The following NCKAP5 variants were observed in gnomAD, a reference collection of about 807,000 sequenced individuals.
NCKAP5 encodes NCK associated protein 5, also known as nck-associated protein 5.
NCKAP5 carries 92 observed loss-of-function variants against 167.0 expected under a neutral mutation model. The observed-to-expected ratio is 0.55, with a 90% CI of 0.47 to 0.66. The LOEUF (loss-of-function observed/expected upper bound fraction) is 0.66. Among genes scored for constraint, NCKAP5 ranks in the 30% least tolerant of loss-of-function variants. The pLI is 0.00. For synonymous variants in NCKAP5, 891 were observed against 877.4 expected (o/e 1.02, Z -0.27); for missense variants, 2,378 against 2,315.0 (o/e 1.03, Z -0.56).
At chr2:132,797,319 G>A (rs72847224) in intron 11 of NCKAP5, among the ~76,000 whole-genome samples, 28,095 of 152,122 alleles carry the variant, frequency 0.18, 3,039 homozygotes, top group East Asian at 0.29. Flanking sequence ...TTCACGTGCT[G>A]TTCAATTATA....
At chr2:133,582,149 G>A in the NCKAP5 span, among the ~76,000 whole-genome samples, 3 of 152,170 alleles carry the variant, frequency 2.0e-5, no homozygotes, top group East Asian at 3.9e-4. Flanking sequence ...CTGCTGTGAG[G>A]GGATTCTATA....
chr2:132,773,175 C>T (rs528772252), intron 16 of NCKAP5, among the ~76,000 whole-genome samples: 1 of 152,276 alleles, frequency 6.6e-6, no homozygotes, highest in African/African-American at 2.4e-5. Flanking sequence ...GCTAAAGGTG[C>T]CACTTCTTCT....
intron 19 of NCKAP5, among the ~76,000 whole-genome samples, chr2:132,692,148 TA>T (rs1449300022): frequency 7.2e-5 from 10 of 138,508 alleles, no homozygotes; most frequent in African/African-American, 2.7e-4. Flanking sequence ...TATTTTATTT[TA>T]TTTTATTTTT....
At chr2:133,299,464 G>A (rs530972888) in intron 4 of NCKAP5, among the ~76,000 whole-genome samples, 1 of 152,136 alleles carries the variant, frequency 6.6e-6, no homozygotes, top group Non-Finnish European at 1.5e-5. Flanking sequence ...AGAAATAAAG[G>A]GGCCGGGCCC....
At chr2:133,190,757 T>C (rs1306749315) in intron 5 of NCKAP5, among the ~76,000 whole-genome samples, 1 of 152,100 alleles carries the variant, frequency 6.6e-6, no homozygotes. Flanking sequence ...TTACACCTTA[T>C]ACAAAAATTA....
chr2:133,422,764 C>T (rs916354605), intron 3 of NCKAP5, among the ~76,000 whole-genome samples: 1 of 152,100 alleles, frequency 6.6e-6, no homozygotes, highest in Admixed American at 6.6e-5. Context: ...AAACTGCAGC[C>T]TTTAACTTCG....
At chr2:132,832,856 G>A (rs922767232) in intron 11 of NCKAP5, among the ~76,000 whole-genome samples, 3 of 151,954 alleles carry the variant, frequency 2.0e-5, no homozygotes, top group African/African-American at 7.3e-5. Context: ...TTTTGTATAC[G>A]GATTTATTTT....
intron 19 of NCKAP5, among the ~76,000 whole-genome samples, chr2:132,698,274 G>C (rs1470003517): frequency 6.6e-6 from 1 of 152,000 alleles, no homozygotes; most frequent in Non-Finnish European, 1.5e-5. Flanking sequence ...AATTTGTTCT[G>C]TCTTTTTTAC....
At chr2:133,666,364 A>C in the NCKAP5 span, among the ~76,000 whole-genome samples, 1 of 151,546 alleles carries the variant, frequency 6.6e-6, no homozygotes, top group African/African-American at 2.4e-5. Flanking sequence ...TGCCCGGCTA[A>C]TTTTTGTACT....
chr2:132,719,670 T>A (rs1206999334), intron 19 of NCKAP5, among the ~76,000 whole-genome samples: 1 of 152,134 alleles, frequency 6.6e-6, no homozygotes, highest in Non-Finnish European at 1.5e-5. Context: ...GTGAGTCAGA[T>A]GGGGGCCAAG....
At chr2:133,395,541 T>G (rs1438652763) in intron 3 of NCKAP5, among the ~76,000 whole-genome samples, 1 of 152,234 alleles carries the variant, frequency 6.6e-6, no homozygotes, top group African/African-American at 2.4e-5. Flanking sequence ...CTTGGAATTA[T>G]CAGAACATTA....
chr2:133,045,136 C>T (rs748304426), intron 6 of NCKAP5, among the ~76,000 whole-genome samples: 1 of 151,586 alleles, frequency 6.6e-6, no homozygotes, highest in Non-Finnish European at 1.5e-5. Context: ...ATCTTAGCAG[C>T]ACTGTTTGTA....
chr2:133,075,772 A>G (rs1005315271), intron 6 of NCKAP5, among the ~76,000 whole-genome samples: 1 of 152,186 alleles, frequency 6.6e-6, no homozygotes, highest in African/African-American at 2.4e-5. Flanking sequence ...AAAAGTGGGC[A>G]TAAAAGGGAA....
chr2:133,439,459 C>T (rs113294519), intron 3 of NCKAP5, among the ~76,000 whole-genome samples: 151 of 152,290 alleles, frequency 9.9e-4, no homozygotes, highest in African/African-American at 3.1e-3. Flanking sequence ...GCTAGGCATA[C>T]AAAAGAGCAA....
intron 3 of NCKAP5, among the ~76,000 whole-genome samples, chr2:133,346,617 C>A (rs896374294): frequency 6.6e-6 from 1 of 152,202 alleles, no homozygotes; most frequent in African/African-American, 2.4e-5. Flanking sequence ...GCTGCGGGCC[C>A]CTCACAGAGC....
At chr2:133,382,763 A>T (rs1381089548) in intron 3 of NCKAP5, among the ~76,000 whole-genome samples, 1 of 152,110 alleles carries the variant, frequency 6.6e-6, no homozygotes, top group Non-Finnish European at 1.5e-5. Context: ...TTAGACATTC[A>T]TTGGGGCATT....
intron 6 of NCKAP5, among the ~76,000 whole-genome samples, chr2:133,111,425 C>G (rs1043006984): frequency 6.6e-6 from 1 of 152,166 alleles, no homozygotes; most frequent in Non-Finnish European, 1.5e-5. Context: ...ATTCCCAGAA[C>G]CAATGGAGAG....
At chr2:133,343,486 G>A (rs1349228891) in intron 3 of NCKAP5, among the ~76,000 whole-genome samples, 1 of 150,746 alleles carries the variant, frequency 6.6e-6, no homozygotes, top group Admixed American at 6.6e-5. Flanking sequence ...GTAGTATAAG[G>A]CAAATATAAA....
At position 133,545,035 on chromosome 2, in the gene NCKAP5, G is replaced by T. The variant is rs572477999; in HGVS notation, c.-62+14015C>A. Reference sequence around the variant, plus strand: ...AGTTTTGAAAGTCTGTTTAAGGCAGGCAGGAAGACAGAACTCCCCTGGGTC... The same window carrying T: ...AGTTTTGAAAGTCTGTTTAAGGCAGTCAGGAAGACAGAACTCCCCTGGGTC... On this transcript the variant is annotated intron_variant, in intron 2 of 19. Coordinates refer to ENST00000409261, the MANE Select transcript of NCKAP5 (RefSeq NM_207363.3). Among the ~76,000 whole-genome samples, 193 of 152,220 alleles carry T rather than the reference G, an allele frequency of 1.3e-3. 1 individual carries two copies. Among genetic ancestry groups the T allele is most frequent in the African/African-American group, 4.4e-3 (181 of 41,536 alleles).
Sources: gnomAD v4.1 joint callset for allele counts (sites outside exome capture counted in the v4.1 genomes callset) on GRCh38, gnomAD v4.1.1 for gene constraint, MANE v1.5 for transcripts, NCBI Gene and HGNC (gene_info 2026-07-23, HGNC 2026-07-21) for gene names.